Variants in GNG7 observed in about 807,000 individuals in gnomAD.
GNG7 encodes G protein subunit gamma 7, also known as guanine nucleotide-binding protein G(I)/G(S)/G(O) subunit gamma-7.
GNG7 carries 1 observed loss-of-function variant against 4.0 expected under a neutral mutation model. The observed-to-expected ratio is 0.25, with a 90% CI of 0.09 to 1.18. GNG7 has a LOEUF of 1.18. Ranked by LOEUF, GNG7 falls within the 50% of genes most tolerant of loss-of-function variation. The pLI is 0.50. For synonymous variants in GNG7, 34 were observed against 36.9 expected, an observed-to-expected ratio of 0.92 and a Z score of 0.29; for missense variants, 86 against 91.9, an observed-to-expected ratio of 0.94 and a Z score of 0.26.
chr19:2,593,765 T>C (rs957766099), intron 2 of GNG7, among the ~76,000 whole-genome samples: 10 of 143,786 alleles, frequency 7.0e-5, no homozygotes, highest in African/African-American at 2.3e-4. Context: ...AAATTGCAAA[T>C]ACTTTTCCCG....
At chr19:2,650,724 G>A (rs1982789827) in intron 1 of GNG7, among the ~76,000 whole-genome samples, 1 of 152,218 alleles carries the variant, frequency 6.6e-6, no homozygotes. Flanking sequence ...AGCCGCACCA[G>A]CTGGCGCCAG....
chr19:2,525,887 G>T (rs1978376269), intron 3 of GNG7, among the ~76,000 whole-genome samples: 2 of 151,272 alleles, frequency 1.3e-5, no homozygotes, highest in African/African-American at 4.9e-5. Context: ...TCAGCTCACT[G>T]CAACCTCCGC....
chr19:2,524,878 G>A (rs529733073), intron 3 of GNG7, among the ~76,000 whole-genome samples: 3 of 152,340 alleles, frequency 2.0e-5, no homozygotes, highest in East Asian at 3.9e-4. Flanking sequence ...GCGTGGGTGT[G>A]TACATGTGTC....
intron 2 of GNG7, among the ~76,000 whole-genome samples, chr19:2,605,799 A>T (rs1599417937): frequency 6.6e-6 from 1 of 152,086 alleles, no homozygotes; most frequent in Non-Finnish European, 1.5e-5. Flanking sequence ...GGTGTGAGCC[A>T]CCGCAGCCTG....
chr19:2,657,102 G>T (rs1054203464), intron 1 of GNG7, among the ~76,000 whole-genome samples: 1 of 151,512 alleles, frequency 6.6e-6, no homozygotes, highest in Non-Finnish European at 1.5e-5. Context: ...GGGAGGTCTA[G>T]GAGGACAGAT....
At chr19:2,635,264 G>C (rs1402080266) in intron 2 of GNG7, among the ~76,000 whole-genome samples, 1 of 152,326 alleles carries the variant, frequency 6.6e-6, no homozygotes, top group East Asian at 1.9e-4. Flanking sequence ...ATCTCCATCT[G>C]CACCCTCTGC....
chr19:2,644,327 TTATATATATATATATA>T (rs56143197), intron 2 of GNG7, among the ~76,000 whole-genome samples: 158 of 114,436 alleles, frequency 1.4e-3, no homozygotes, highest in East Asian at 2.9e-3. Flanking sequence ...GGCCTACACT[TTATATATATATATATA>T]TATATATATA....
At chr19:2,602,074 C>T (rs1305968929) in intron 2 of GNG7, among the ~76,000 whole-genome samples, 2 of 152,026 alleles carry the variant, frequency 1.3e-5, no homozygotes, top group African/African-American at 2.4e-5. Context: ...CAGTGGCTCA[C>T]GCCTGTAATC....
chr19:2,607,230 A>AAG (rs1350002714), intron 2 of GNG7, among the ~76,000 whole-genome samples: 1 of 149,682 alleles, frequency 6.7e-6, no homozygotes, highest in Non-Finnish European at 1.5e-5. Context: ...CAAAAAAAAA[A>AAG]AAGAAGGCCA....
chr19:2,627,706 C>T (rs1289306462), intron 2 of GNG7, among the ~76,000 whole-genome samples: 2 of 152,206 alleles, frequency 1.3e-5, no homozygotes, highest in African/African-American at 4.8e-5. Context: ...TGATCAGCTC[C>T]GACCTCAACA....
At chr19:2,535,397 G>A (rs1978704261) in intron 3 of GNG7, among the ~76,000 whole-genome samples, 1 of 151,902 alleles carries the variant, frequency 6.6e-6, no homozygotes, top group Admixed American at 6.6e-5. Flanking sequence ...CTACTCAGGA[G>A]GCTGAGGTGG....
At chr19:2,586,009 T>C (rs1055770003) in intron 2 of GNG7, among the ~76,000 whole-genome samples, 5 of 152,228 alleles carry the variant, frequency 3.3e-5, no homozygotes, top group South Asian at 2.1e-4. Context: ...CCAAAATGTA[T>C]TGATTTTTCA....
At chr19:2,545,924 C>T (rs1160806685) in intron 3 of GNG7, among the ~76,000 whole-genome samples, 1 of 152,126 alleles carries the variant, frequency 6.6e-6, no homozygotes, top group African/African-American at 2.4e-5. Flanking sequence ...CACTGCACTC[C>T]AGCCTGGGCA....
intron 1 of GNG7, among the ~76,000 whole-genome samples, chr19:2,696,921 G>T (rs184494056): frequency 6.6e-6 from 1 of 152,298 alleles, no homozygotes; most frequent in East Asian, 1.9e-4. Context: ...CTGGAGTGCA[G>T]TGCTCACCGC....
chr19:2,557,552 G>C lies in GNG7; in HGVS notation c.-77-2364C>G, dbSNP rs1051759433. On this transcript the variant is annotated intron_variant, in intron 2 of 4. Coordinates refer to ENST00000382159, the MANE Select transcript of GNG7 (RefSeq NM_052847.3). The surrounding 1 kb of genome is among the most constrained non-coding windows in gnomAD (Gnocchi z 5.1). ...CTCCGCCTGGCCGGGTCAGCGAATG[G>C]AGTTGTAGCACCGTTTCAGGACCGT... is the stretch of plus-strand genomic sequence containing the variant. Among the ~76,000 whole-genome samples the C allele has an allele frequency of 3.3e-5, 5 of 152,212 alleles. No individual in the cohort carries two copies. Among genetic ancestry groups the C allele is most frequent in the African/African-American group, 1.2e-4 (5 of 41,468 alleles).
At chr19:2,680,768 T>A (rs1983712205) in intron 1 of GNG7, among the ~76,000 whole-genome samples, 1 of 151,836 alleles carries the variant, frequency 6.6e-6, no homozygotes, top group Non-Finnish European at 1.5e-5. Flanking sequence ...GAGGCGGGGT[T>A]TCTCCATGTT....
intron 3 of GNG7, among the ~76,000 whole-genome samples, chr19:2,554,559 A>ATATATTTT (rs1196558078): frequency 7.7e-5 from 10 of 130,138 alleles, no homozygotes; most frequent in African/African-American, 2.8e-4. Flanking sequence ...ATATATATAT[A>ATATATTTT]TTTTTTTTTT....
intron 1 of GNG7, among the ~76,000 whole-genome samples, chr19:2,677,530 G>C (rs7257444): frequency 0.32 from 48,240 of 151,784 alleles, 8,819 homozygotes; most frequent in East Asian, 0.56. Flanking sequence ...GCTCCCTGTT[G>C]ACACCAGACA....
At chr19:2,680,311 G>A (rs1983700337) in intron 1 of GNG7, among the ~76,000 whole-genome samples, 1 of 151,676 alleles carries the variant, frequency 6.6e-6, no homozygotes, top group South Asian at 2.1e-4. Context: ...CACCATGCCT[G>A]GCCAATTTTA....
Sources: allele counts gnomAD v4.1 joint callset (sites outside exome capture counted in the v4.1 genomes callset), GRCh38; gene constraint gnomAD v4.1.1; non-coding constraint Gnocchi (gnomAD v3.1); transcripts MANE v1.5; gene names NCBI Gene and HGNC (gene_info 2026-07-23, HGNC 2026-07-21).